The following MFHAS1 variants were observed in gnomAD, a reference collection of about 807,000 sequenced individuals.
MFHAS1 encodes the protein multifunctional ROCO family signaling regulator 1.
A neutral mutation model predicts 70.4 loss-of-function variants in MFHAS1; 50 were observed. That is an observed-to-expected ratio of 0.71 (90% CI 0.57 to 0.90). MFHAS1 has a LOEUF of 0.90. Ranked by LOEUF, MFHAS1 falls within the 40% of genes least tolerant of loss-of-function variation. MFHAS1 has a pLI of 0.00. For synonymous variants in MFHAS1, 952 were observed against 620.0 expected (o/e 1.54, Z -7.96); for missense variants, 1,795 against 1,347.6 (o/e 1.33, Z -5.20).
chr8:8,882,885 G>A (rs1434513470), intron 1 of MFHAS1, among the ~76,000 whole-genome samples: 3 of 152,222 alleles, frequency 2.0e-5, no homozygotes, highest in Non-Finnish European at 4.4e-5. Context: ...GGGTGCGGTG[G>A]CTCATGCCTG....
intron 2 of MFHAS1, among the ~76,000 whole-genome samples, chr8:8,788,139 T>C (rs571838995): frequency 2.0e-5 from 3 of 152,352 alleles, no homozygotes; most frequent in Admixed American, 6.5e-5. Flanking sequence ...CAATTATAAT[T>C]AGACTCTGAT....
chr8:8,839,097 C>T (rs1046671359), intron 1 of MFHAS1, among the ~76,000 whole-genome samples: 1 of 151,920 alleles, frequency 6.6e-6, no homozygotes, highest in Non-Finnish European at 1.5e-5. Flanking sequence ...ACAATAAACC[C>T]ATTTCCTGCA....
At chr8:8,873,475 CTT>C (rs11454563) in intron 1 of MFHAS1, among the ~76,000 whole-genome samples, 6 of 142,486 alleles carry the variant, frequency 4.2e-5, no homozygotes, top group Admixed American at 7.0e-5. Flanking sequence ...TAATTGCTTA[CTT>C]TTTTTTTTTT....
intron 1 of MFHAS1, among the ~76,000 whole-genome samples, chr8:8,844,381 C>A (rs935770971): frequency 6.6e-6 from 1 of 152,170 alleles, no homozygotes. Context: ...AGGAAATAGT[C>A]CAGACTTCTT....
intron 1 of MFHAS1, among the ~76,000 whole-genome samples, chr8:8,854,847 T>C (rs1051512498): frequency 3.9e-5 from 6 of 152,202 alleles, no homozygotes; most frequent in African/African-American, 1.4e-4. Context: ...TTATTGTTTA[T>C]CTGAAATTCA....
chr8:8,799,862 T>G (rs1806027187), intron 1 of MFHAS1, among the ~76,000 whole-genome samples: 1 of 152,216 alleles, frequency 6.6e-6, no homozygotes, highest in Non-Finnish European at 1.5e-5. Context: ...CAGTTTTAAA[T>G]GTACACCTCG....
chr8:8,788,428 C>T (rs1805623184), intron 2 of MFHAS1, among the ~76,000 whole-genome samples: 1 of 152,212 alleles, frequency 6.6e-6, no homozygotes, highest in Non-Finnish European at 1.5e-5. Context: ...CCTGTAATCC[C>T]ACTGCTTTGG....
In MFHAS1 at chr8:8,891,809, T is replaced by C. The variant is rs1810057306; in HGVS notation, c.1250A>G (p.His417Arg). The C allele has an allele frequency of 1.2e-6, 2 of 1,613,376 alleles. No homozygotes were observed. The highest frequency in any genetic ancestry group is 8.5e-7 in the Non-Finnish European group (1 of 1,179,996). The change falls in exon 1 of 3, where the codon CAT becomes CGT. Residue 417 changes from histidine to arginine, a missense_variant. Transcript: ENST00000276282. This position sits in a 1 kb window ranked among gnomAD's most constrained non-coding sequence, Gnocchi z 5.4. ...CAGCAAAGTCTTTCCTGCAGCCTTA[T>C]GCCCCATCAGGAGCAGCTTGAGCCG... The part of the protein sequence containing the change: ...QPRLKLLLMG[H>R]KAAGKTLLRH...
At position 8,883,425 on chromosome 8, in the gene MFHAS1, G is replaced by T. The variant is rs537908393; in HGVS notation, c.2998+6636C>A. Among the ~76,000 whole-genome samples, 9 of 151,852 alleles carry T rather than the reference G, an allele frequency of 5.9e-5. No individual in the cohort carries two copies. The East Asian group carries it at 1.8e-3, about 30-fold the overall frequency. ...GTCCTTAATCAAAAAGGGCTCCCAT[G>T]GGCCAGGCGCAGTGGCTCATGCCTG... On this transcript the variant is annotated intron_variant, in intron 1 of 2. Transcript: ENST00000276282.
At chr8:8,800,867 G>C (rs985045309) in intron 1 of MFHAS1, among the ~76,000 whole-genome samples, 3 of 152,062 alleles carry the variant, frequency 2.0e-5, no homozygotes, top group African/African-American at 7.2e-5. Flanking sequence ...TGGTGCAGCA[G>C]GCTTCTTGGC....
chr8:8,826,778 G>A (rs965170278), intron 1 of MFHAS1, among the ~76,000 whole-genome samples: 15 of 152,108 alleles, frequency 9.9e-5, no homozygotes, highest in Non-Finnish European at 1.5e-4. Flanking sequence ...TGGGTTTTCC[G>A]ATTCCAACTT....
intron 1 of MFHAS1, among the ~76,000 whole-genome samples, chr8:8,870,683 G>C (rs946787610): frequency 9.2e-5 from 14 of 151,906 alleles, no homozygotes; most frequent in African/African-American, 3.1e-4. Flanking sequence ...CATCCCGCAG[G>C]CCTCTCCGAG....
chr8:8,793,429 G>T (rs964771), intron 2 of MFHAS1, among the ~76,000 whole-genome samples: 1 of 152,118 alleles, frequency 6.6e-6, no homozygotes, highest in African/African-American at 2.4e-5. Flanking sequence ...CCAAAGAAGA[G>T]CTTGGAATGT....
rs1805432097 is a variant in MFHAS1, at chr8:8,783,546, T to C, written c.*2476A>G. On this transcript the variant is annotated 3_prime_UTR_variant, in exon 3 of 3. Coordinates refer to ENST00000276282, the MANE Select transcript of MFHAS1 (RefSeq NM_004225.3). ...GAGAGTCCAATACACAAGTGTCAAA[T>C]ATGAGCACTGTCATTTTTTTTTTCT... 1 of 152,080 alleles carries C rather than the reference T, an allele frequency of 6.6e-6. No homozygotes were observed. The highest frequency in any genetic ancestry group is 2.1e-4 in the South Asian group (1 of 4,826). The allele number at this position is 152,080 out of a possible 1,614,324, so 9.4% of individuals were successfully genotyped here.
At chr8:8,813,106 T>G (rs775675418) in intron 1 of MFHAS1, among the ~76,000 whole-genome samples, 13 of 152,186 alleles carry the variant, frequency 8.5e-5, no homozygotes, top group Admixed American at 2.0e-4. Context: ...GACCCCACAT[T>G]TATAAGGGTG....
chr8:8,795,957 G>C (rs956772070), intron 2 of MFHAS1, among the ~76,000 whole-genome samples: 5 of 152,324 alleles, frequency 3.3e-5, no homozygotes, highest in Middle Eastern at 3.4e-3. Context: ...CTATGCTGGA[G>C]AAATCATGGT....
intron 2 of MFHAS1, among the ~76,000 whole-genome samples, chr8:8,790,872 A>C (rs1338830937): frequency 6.6e-6 from 1 of 152,208 alleles, no homozygotes; most frequent in Non-Finnish European, 1.5e-5. Flanking sequence ...TTTATGTCAA[A>C]ACGATGTTAC....
At chr8:8,791,224 T>C (rs1805710502) in intron 2 of MFHAS1, among the ~76,000 whole-genome samples, 1 of 147,194 alleles carries the variant, frequency 6.8e-6, no homozygotes, top group Non-Finnish European at 1.5e-5. Context: ...ATTCCCCACA[T>C]ATCGGAGCAC....
intron 1 of MFHAS1, among the ~76,000 whole-genome samples, chr8:8,885,893 G>A (rs1317599666): frequency 6.6e-6 from 1 of 152,130 alleles, no homozygotes; most frequent in African/African-American, 2.4e-5. Context: ...TGTATTTTTT[G>A]TAGAGATGGG....
Sources: gnomAD v4.1 joint callset for allele counts (sites outside exome capture counted in the v4.1 genomes callset) on GRCh38, gnomAD v4.1.1 for gene constraint, Gnocchi (gnomAD v3.1) non-coding constraint, MANE v1.5 for transcripts, NCBI Gene and HGNC (gene_info 2026-07-23, HGNC 2026-07-21) for gene names.